The following R3HCC1L variants were observed in gnomAD, a reference collection of about 807,000 sequenced individuals.
R3HCC1L encodes the protein R3H domain and coiled-coil containing 1 like, also known as coiled-coil domain-containing protein R3HCC1L.
R3HCC1L carries 51 observed loss-of-function variants against 59.9 expected under a neutral mutation model. The observed-to-expected ratio is 0.85, with a 90% CI of 0.68 to 1.07. R3HCC1L has a LOEUF of 1.07. Ranked by LOEUF, R3HCC1L falls within the 50% of genes least tolerant of loss-of-function variation. The pLI is 0.00. For missense variants in R3HCC1L, 965 were observed against 933.0 expected (o/e 1.03, Z -0.45); for synonymous variants, 322 against 315.2 (o/e 1.02, Z -0.23).
chr10:98,150,431 CA>C (rs1344810411), intron 1 of R3HCC1L, among the ~76,000 whole-genome samples: 2 of 152,092 alleles, frequency 1.3e-5, no homozygotes, highest in African/African-American at 4.8e-5. Context: ...TTCTGTTTTT[CA>C]AGCTCCCATG....
At chr10:98,236,639 T>C (rs983221564) in intron 9 of R3HCC1L, among the ~76,000 whole-genome samples, 1 of 152,238 alleles carries the variant, frequency 6.6e-6, no homozygotes, top group African/African-American at 2.4e-5. Flanking sequence ...TTTTTGTCTT[T>C]TTAAGACAGT....
intron 1 of R3HCC1L, among the ~76,000 whole-genome samples, chr10:98,142,631 C>CT (rs1333245328): frequency 4.7e-5 from 7 of 148,532 alleles, no homozygotes; most frequent in Non-Finnish European, 1.0e-4. Flanking sequence ...GAGTGAGACT[C>CT]TGTCTCAAAA....
In R3HCC1L at chr10:98,231,643, A is replaced by G. The variant is rs374256383; in HGVS notation, c.1917A>G (p.Gln639=). ...TCATTGAAATTTATGACTTTCCCCA[A>G]GAATTTCATACTGAAGACCTTCTAC... ...PHVIEIYDFP[Q]EFHTEDLLRV... The change falls in exon 6 of 10, where the codon CAA becomes CAG. Residue 639 remains glutamine, a synonymous_variant. Coordinates refer to ENST00000298999, the MANE Select transcript of R3HCC1L (RefSeq NM_001351015.2). The G allele has an allele frequency of 1.9e-6, 3 of 1,612,632 alleles. No homozygotes were observed. Among genetic ancestry groups the G allele is most frequent in the East Asian group, 2.2e-5 (1 of 44,860 alleles).
intron 5 of R3HCC1L, among the ~76,000 whole-genome samples, chr10:98,221,742 C>T (rs1169934104): frequency 1.3e-5 from 2 of 152,138 alleles, no homozygotes. Flanking sequence ...ATCTATATGT[C>T]TGTTTTGGTA....
chr10:98,174,788 T>A, intron 4 of R3HCC1L: 2 of 973,774 alleles, frequency 2.1e-6, no homozygotes, highest in South Asian at 4.8e-5. Flanking sequence ...TTATATATTG[T>A]ATGCTCTGGT....
At chr10:98,174,905 A>G (rs560479040) in intron 4 of R3HCC1L, 67 of 470,120 alleles carry the variant, frequency 1.4e-4, no homozygotes, top group African/African-American at 1.2e-3. Flanking sequence ...TTACCTTGGC[A>G]TTCTCGGAGC....
Position 98,235,477 on chromosome 10 carries a change from A to G in R3HCC1L, c.2085A>G (p.Ser695=). 1.9e-6 allele frequency: 3 copies of G among 1,613,748 alleles called. No individual in the cohort carries two copies. Among genetic ancestry groups the G allele is most frequent in the Non-Finnish European group, 2.5e-6 (3 of 1,179,814 alleles). The change falls in exon 8 of 10, where the codon TCA becomes TCG. Residue 695 remains serine (S), a synonymous_variant. Transcript: ENST00000298999. ...KHTMVKIRPL[S]QATRAAKAKA... ...CCATGGTGAAGATTCGTCCCTTGTCACAGGCCACAAGAGCAGCCAAGGCCA... is the reference window on the plus strand; with the variant it reads ...CCATGGTGAAGATTCGTCCCTTGTCGCAGGCCACAAGAGCAGCCAAGGCCA...
chr10:98,137,040 C>T (rs1042820818), intron 1 of R3HCC1L, among the ~76,000 whole-genome samples: 1 of 152,124 alleles, frequency 6.6e-6, no homozygotes, highest in East Asian at 1.9e-4. Flanking sequence ...GAAACCCCAT[C>T]TCTACTAAAA....
At chr10:98,158,810 CT>C (rs1297836513) in intron 2 of R3HCC1L, among the ~76,000 whole-genome samples, 4,821 of 142,870 alleles carry the variant, frequency 0.034, 94 homozygotes, top group Non-Finnish European at 0.044. Flanking sequence ...ATGACATTGA[CT>C]TTTTTTTTTT....
chr10:98,148,366 G>A (rs1474819605), intron 1 of R3HCC1L, among the ~76,000 whole-genome samples: 1 of 151,884 alleles, frequency 6.6e-6, no homozygotes, highest in Non-Finnish European at 1.5e-5. Flanking sequence ...TTCCAATTTG[G>A]TGCCCTGTAT....
At chr10:98,223,483 T>C (rs998060095) in intron 5 of R3HCC1L, among the ~76,000 whole-genome samples, 2 of 151,900 alleles carry the variant, frequency 1.3e-5, no homozygotes, top group African/African-American at 2.4e-5. Context: ...TCTGTGCATC[T>C]AGTATAATAG....
rs575427769 is a variant in R3HCC1L, at chr10:98,167,035, G to T, written c.-15+3638G>T. Among the ~76,000 whole-genome samples the T allele has an allele frequency of 2.0e-5, 3 of 151,598 alleles. No homozygotes were observed. In the South Asian group the frequency reaches 6.2e-4, roughly 32 times the overall value. On this transcript the variant is annotated intron_variant, in intron 4 of 9. Coordinates refer to ENST00000298999, the MANE Select transcript of R3HCC1L (RefSeq NM_001351015.2). ...ATGTGCACTTAATAAGTATTTGATG[G>T]TAAAAAAAAAATGCCATTGCCTATT...
At chr10:98,177,957 C>G (rs914470912) in intron 4 of R3HCC1L, among the ~76,000 whole-genome samples, 3 of 151,960 alleles carry the variant, frequency 2.0e-5, no homozygotes, top group African/African-American at 7.3e-5. Context: ...GGATATTAGC[C>G]CTTTGTCAGA....
At chr10:98,234,571 A>T (rs997550648) in intron 7 of R3HCC1L, 55 bp downstream of exon 7, 2 of 1,527,322 alleles carry the variant, frequency 1.3e-6, no homozygotes, top group Non-Finnish European at 1.8e-6. Flanking sequence ...TTCTCATGCT[A>T]CTTTTTCTAT....
chr10:98,224,437 T>C (rs986241257), intron 5 of R3HCC1L, among the ~76,000 whole-genome samples: 3 of 152,232 alleles, frequency 2.0e-5, no homozygotes, highest in Non-Finnish European at 4.4e-5. Context: ...CCTCTGCGAA[T>C]AGGCATCAGG....
At chr10:98,200,286 G>A (rs1851894284) in intron 4 of R3HCC1L, among the ~76,000 whole-genome samples, 2 of 152,088 alleles carry the variant, frequency 1.3e-5, no homozygotes, top group Non-Finnish European at 2.9e-5. Context: ...CTATTAGTGA[G>A]AAATTGATAA....
At chr10:98,150,498 T>A (rs1846041348) in intron 1 of R3HCC1L, among the ~76,000 whole-genome samples, 1 of 152,248 alleles carries the variant, frequency 6.6e-6, no homozygotes, top group Admixed American at 6.5e-5. Flanking sequence ...TTCTTTGTAA[T>A]ACATCTCTTG....
At chr10:98,212,922 ATAT>A (rs1469347779) in intron 5 of R3HCC1L, among the ~76,000 whole-genome samples, 1 of 152,160 alleles carries the variant, frequency 6.6e-6, no homozygotes, top group Admixed American at 6.6e-5. Flanking sequence ...AAGGCCACTA[ATAT>A]TATACCACCA....
Position 98,208,485 on chromosome 10 carries a change from G to T in R3HCC1L, c.371G>T (p.Gly124Val). ...GTATTATCCCAAGGACAACAGCAGG[G>T]AGCCCCAAATGCTGGGGTTATAACT... ...KEVLSQGQQQ[G>V]APNAGVITNA... Residue 124 changes from glycine to valine, a missense_variant, in exon 5 of 10, where the codon GGA (glycine) becomes GTA (valine). Physicochemically the swap from Gly to Val is moderately radical, Grantham distance 109. Coordinates refer to ENST00000298999, the MANE Select transcript of R3HCC1L (RefSeq NM_001351015.2). 6.2e-7 allele frequency: 1 copy of T among 1,614,136 alleles called. No individual in the cohort carries two copies. Among genetic ancestry groups the T allele is most frequent in the Non-Finnish European group, 8.5e-7 (1 of 1,180,002 alleles).
Sources: allele counts gnomAD v4.1 joint callset (sites outside exome capture counted in the v4.1 genomes callset), GRCh38; gene constraint gnomAD v4.1.1; transcripts MANE v1.5; gene names NCBI Gene and HGNC (gene_info 2026-07-23, HGNC 2026-07-21).